The following KIFAP3 variants were observed in gnomAD, a reference collection of about 807,000 sequenced individuals.
KIFAP3 encodes the protein kinesin associated protein 3.
A neutral mutation model predicts 106.5 loss-of-function variants in KIFAP3; 68 were observed. The ratio of observed to expected loss-of-function variants is 0.64; its 90% confidence interval spans 0.53 to 0.78. The LOEUF (loss-of-function observed/expected upper bound fraction) is 0.78. KIFAP3 is among the 30% of genes least tolerant of loss of function. The pLI is 0.00. For missense variants in KIFAP3, 780 were observed against 941.8 expected (o/e 0.83, Z 2.25); for synonymous variants, 320 against 311.5 (o/e 1.03, Z -0.29).
chr1:170,084,092 C>A (rs999334656), intron 1 of KIFAP3, among the ~76,000 whole-genome samples: 1 of 152,112 alleles, frequency 6.6e-6, no homozygotes, highest in African/African-American at 2.4e-5. Context: ...GACGAATAAT[C>A]CCAATGATAC....
chr1:170,056,651 A>G (rs1394263397), intron 1 of KIFAP3, among the ~76,000 whole-genome samples: 1 of 152,228 alleles, frequency 6.6e-6, no homozygotes, highest in Non-Finnish European at 1.5e-5. Context: ...AGTTGGAAAT[A>G]ATACTTTGAC....
intron 14 of KIFAP3, among the ~76,000 whole-genome samples, 199 bp downstream of exon 14, chr1:169,982,503 A>G (rs1223155490): frequency 2.0e-5 from 3 of 152,164 alleles, no homozygotes; most frequent in Non-Finnish European, 4.4e-5. Context: ...AAACTAACAT[A>G]AGAAAACACA....
At chr1:170,074,782 C>A, upstream of KIFAP3, 1 of 1,217,024 alleles carries the variant, frequency 8.2e-7, no homozygotes, top group East Asian at 3.8e-5. Flanking sequence ...GAGTTTGACG[C>A]ACCGGGGAGC....
At chr1:169,937,409 A>G (rs899505000) in intron 19 of KIFAP3, among the ~76,000 whole-genome samples, 1 of 151,814 alleles carries the variant, frequency 6.6e-6, no homozygotes, top group Non-Finnish European at 1.5e-5. Context: ...AAGAGCAGCA[A>G]TAACAACATA....
chr1:169,987,919 T>C (rs1025801634), intron 11 of KIFAP3, among the ~76,000 whole-genome samples: 3 of 152,074 alleles, frequency 2.0e-5, no homozygotes, highest in African/African-American at 7.2e-5. Context: ...TTAACTATTA[T>C]TAGAATACAA....
At chr1:170,077,136 A>G (rs934828565), upstream of KIFAP3, among the ~76,000 whole-genome samples, 1 of 152,198 alleles carries the variant, frequency 6.6e-6, no homozygotes, top group Non-Finnish European at 1.5e-5. Flanking sequence ...CTCTGTAAAA[A>G]TGCACCAATC....
At position 169,983,296 on chromosome 1, in the gene KIFAP3, C is replaced by G. The variant is rs1289888081; in HGVS notation, c.1480G>C (p.Asp494His). 6.2e-7 allele frequency: 1 copy of G among 1,606,616 alleles called. No individual in the cohort carries two copies. Among genetic ancestry groups the G allele is most frequent in the South Asian group, 1.1e-5 (1 of 89,954 alleles). Residue 494 changes from aspartate (D) to histidine (H), a missense_variant, in exon 13 of 20, where the codon GAT (aspartate) becomes CAT (histidine). This residue lies in a region of KIFAP3 where 588 missense variants were observed against 678.9 expected (regional missense o/e 0.87). Transcript: ENST00000361580. Reference protein sequence around the residue: ...MKMIRNISQHDGPTKNLFIDY... With the variant: ...MKMIRNISQHHGPTKNLFIDY... ...ATAAACAGATTTTTAGTTGGTCCAT[C>G]ATGCTGAGAAATGTTTCTAATCATT...
chr1:169,973,457 T>C (rs1473360549), intron 16 of KIFAP3, among the ~76,000 whole-genome samples: 1 of 143,800 alleles, frequency 7.0e-6, no homozygotes, highest in African/African-American at 2.6e-5. Flanking sequence ...AAAAAAAAGG[T>C]GCACATTTGC....
chr1:169,973,124 A>ATATATATATATATATATATATAT (rs1361338751), intron 16 of KIFAP3, among the ~76,000 whole-genome samples: 2 of 48,726 alleles, frequency 4.1e-5, no homozygotes, highest in Non-Finnish European at 7.5e-5. Context: ...TATATATATA[A>ATATATATATATATATATATATAT]ACAACACAAA....
chr1:169,972,245 A>G (rs1277334781), intron 17 of KIFAP3, among the ~76,000 whole-genome samples: 1 of 151,936 alleles, frequency 6.6e-6, no homozygotes, highest in Non-Finnish European at 1.5e-5. Context: ...ACAATAATTT[A>G]TCCGAAAAAC....
Position 170,031,834 on chromosome 1 carries a change from T to C in KIFAP3, c.841+52A>G, listed in dbSNP as rs368047626. On this transcript the variant is annotated intron_variant, in intron 8 of 19. Transcript: ENST00000361580. ...TATGATAAAAAGTGAACAAAACAAA[T>C]GTATTTGGAGTAAGTACTTTGTTGC... The C allele has an allele frequency of 9.4e-5, 105 of 1,112,910 alleles. 1 individual carries two copies. The Admixed American group carries it at 1.5e-3, about 16-fold the overall frequency. The allele number at this position is 1,112,910 out of a possible 1,614,324, so 68.9% of individuals were successfully genotyped here.
intron 17 of KIFAP3, among the ~76,000 whole-genome samples, chr1:169,963,702 C>T (rs543098446): frequency 3.3e-5 from 5 of 152,234 alleles, no homozygotes; most frequent in Middle Eastern, 3.4e-3. Context: ...CCATGTTGGC[C>T]AGGCTGGTCT....
chr1:170,029,253 T>C (rs577418637), intron 8 of KIFAP3, among the ~76,000 whole-genome samples: 13 of 152,226 alleles, frequency 8.5e-5, no homozygotes, highest in Admixed American at 5.9e-4. Context: ...TGAAAACTGA[T>C]AGATGTGCAG....
chr1:170,024,682 G>A, intron 8 of KIFAP3, 86 bp from the exon 9 acceptor site: 1 of 746,914 alleles, frequency 1.3e-6, no homozygotes, highest in Non-Finnish European at 2.0e-6. Flanking sequence ...CAAGGCAACA[G>A]AGATAGCCCT....
chr1:169,921,571 G>A lies in KIFAP3; in HGVS notation c.*105C>T. ...ACATATAAAAATAAAAACAAACACAGACCCACAATAACATCAACATGCATT... is the reference window on the plus strand; with the variant it reads ...ACATATAAAAATAAAAACAAACACAAACCCACAATAACATCAACATGCATT... On this transcript the variant is annotated 3_prime_UTR_variant, in exon 20 of 20. Coordinates refer to ENST00000361580, the MANE Select transcript of KIFAP3 (RefSeq NM_014970.4). The A allele has an allele frequency of 1.2e-6, 1 of 813,160 alleles. No individual in the cohort carries two copies. The highest frequency in any genetic ancestry group is 2.0e-6 in the Non-Finnish European group (1 of 493,816). 50.4% of individuals were successfully genotyped at this position (813,160 alleles called of 1,614,324 possible).
chr1:170,040,735 A>C (rs2102067836), intron 3 of KIFAP3, among the ~76,000 whole-genome samples: 1 of 152,308 alleles, frequency 6.6e-6, no homozygotes, highest in Admixed American at 6.5e-5. Context: ...TTGTTTAATA[A>C]AAATCTCCCT....
chr1:170,032,105 A>T (rs968786343), intron 7 of KIFAP3, 121 bp from the exon 8 acceptor site: 5 of 616,308 alleles, frequency 8.1e-6, no homozygotes, highest in Non-Finnish European at 1.5e-5. Context: ...TTTTCTCACC[A>T]AAAGTTTAAC....
intron 19 of KIFAP3, among the ~76,000 whole-genome samples, chr1:169,952,332 G>A (rs1664770191): frequency 6.6e-6 from 1 of 151,978 alleles, no homozygotes; most frequent in Admixed American, 6.6e-5. Flanking sequence ...TTAGTGAGTT[G>A]CAGTTTGCAT....
intron 1 of KIFAP3, among the ~76,000 whole-genome samples, chr1:170,061,260 C>T (rs1052789951): frequency 1.2e-4 from 18 of 152,086 alleles, no homozygotes; most frequent in Admixed American, 2.0e-4. Context: ...TGCAATCTAC[C>T]CATCTGACAA....
Sources: allele counts gnomAD v4.1 joint callset (sites outside exome capture counted in the v4.1 genomes callset), GRCh38; gene constraint gnomAD v4.1.1; regional missense constraint gnomAD v4.1.1; transcripts MANE v1.5; gene names NCBI Gene and HGNC (gene_info 2026-07-23, HGNC 2026-07-21).